The following LRBA variants were observed in gnomAD, a reference collection of about 807,000 sequenced individuals.
LRBA encodes the protein LPS responsive beige-like anchor protein, also known as lipopolysaccharide-responsive and beige-like anchor protein.
A neutral mutation model predicts 330.0 loss-of-function variants in LRBA; 176 were observed. The ratio of observed to expected loss-of-function variants is 0.53; its 90% CI spans 0.47 to 0.60. LRBA has a LOEUF of 0.60. LRBA is among the 20% of genes least tolerant of loss of function. The pLI, the probability that LRBA is intolerant of heterozygous loss-of-function variation, is 0.00. For synonymous variants in LRBA, 1,230 were observed against 1,193.0 expected, an observed-to-expected ratio of 1.03 and a Z score of -0.64; for missense variants, 3,259 against 3,444.8, an observed-to-expected ratio of 0.95 and a Z score of 1.35.
intron 35 of LRBA, among the ~76,000 whole-genome samples, chr4:150,737,392 G>A (rs1047559710): frequency 6.6e-5 from 10 of 151,998 alleles, no homozygotes; most frequent in Non-Finnish European, 8.8e-5. Context: ...CTTGGGTGGC[G>A]GAGCTTGCAG....
chr4:150,644,939 G>A (rs879693644), intron 37 of LRBA, among the ~76,000 whole-genome samples: 5 of 151,584 alleles, frequency 3.3e-5, no homozygotes, highest in Admixed American at 6.6e-5. Flanking sequence ...TATTACTCAG[G>A]TACCCTGCAA....
In LRBA at chr4:150,622,688, C is replaced by CTTTTTTTTTTTTTTTTTTTTTTTTTT. The variant is rs10528461; in HGVS notation, c.5922-23583_5922-23558dup. 1.9e-5 allele frequency among the ~76,000 whole-genome samples: 2 copies of CTTTTTTTTTTTTTTTTTTTTTTTTTT among 105,662 alleles called. 1 individual carries two copies. Among genetic ancestry groups the CTTTTTTTTTTTTTTTTTTTTTTTTTT allele is most frequent in the African/African-American group, 8.3e-5 (2 of 24,078 alleles). The allele number at this position is 105,662 out of a possible 152,430, so 69.3% of individuals were successfully genotyped here. ...GAAGACAACAGTCACCTAAATCAAT[C>CTTTTTTTTTTTTTTTTTTTTTTTTTT]TTTTTTTTTTTTTTTTTTTTTTTTT... On this transcript the variant is annotated intron_variant, in intron 37 of 56. Transcript: ENST00000651943.
chr4:150,847,015 C>A (rs573763789), intron 26 of LRBA, among the ~76,000 whole-genome samples: 3 of 151,902 alleles, frequency 2.0e-5, no homozygotes, highest in East Asian at 3.9e-4. Flanking sequence ...GAAAAGCCTT[C>A]GAAAATGGCA....
At chr4:150,717,326 A>G (rs894460499) in intron 36 of LRBA, among the ~76,000 whole-genome samples, 2 of 152,144 alleles carry the variant, frequency 1.3e-5, no homozygotes, top group African/African-American at 4.8e-5. Flanking sequence ...TAATAAAAAT[A>G]TTTTGCTTGC....
chr4:150,809,819 G>C (rs1003779071), intron 31 of LRBA, among the ~76,000 whole-genome samples: 10 of 152,004 alleles, frequency 6.6e-5, no homozygotes, highest in African/African-American at 2.4e-4. Context: ...CTGCATTCTA[G>C]CCTGAGTGAC....
intron 36 of LRBA, among the ~76,000 whole-genome samples, chr4:150,684,382 T>C (rs1420918884): frequency 5.9e-5 from 9 of 152,124 alleles, no homozygotes. Context: ...TAGCAAAATG[T>C]ACCAAGAGCT....
At chr4:150,415,397 C>G (rs1747589880) in intron 47 of LRBA, 41 bp downstream of exon 47, 3 of 1,587,030 alleles carry the variant, frequency 1.9e-6, no homozygotes, top group Non-Finnish European at 2.6e-6. Flanking sequence ...ATGCTTTGAG[C>G]AAAAGCTCAT....
intron 28 of LRBA, among the ~76,000 whole-genome samples, chr4:150,833,499 T>C (rs774077367): frequency 1.3e-5 from 2 of 152,100 alleles, no homozygotes; most frequent in Non-Finnish European, 2.9e-5. Flanking sequence ...CACAATAAAG[T>C]GAGTCACACA....
At chr4:150,585,830 C>T (rs1772044956) in intron 40 of LRBA, among the ~76,000 whole-genome samples, 2 of 152,058 alleles carry the variant, frequency 1.3e-5, no homozygotes, top group Non-Finnish European at 2.9e-5. Context: ...GGGGGAAGGG[C>T]TGTATGGAGG....
chr4:150,880,822 A>C (rs1339600537), intron 17 of LRBA, among the ~76,000 whole-genome samples: 4 of 152,212 alleles, frequency 2.6e-5, no homozygotes, highest in Non-Finnish European at 5.9e-5. Context: ...CAGAATCTAT[A>C]AGGAACTTAA....
In LRBA at chr4:150,841,342, A is replaced by T. The variant is rs1749040119; in HGVS notation, c.4569+2758T>A. On this transcript the variant is annotated intron_variant, in intron 28 of 56. Transcript: ENST00000651943. The stretch of plus-strand genomic sequence containing the variant: ...TGATTTTTGGCCTCAAATAAAAAAT[A>T]TCCCATAAATCGTTTACATTTAAAT... Among the ~76,000 whole-genome samples the T allele has an allele frequency of 2.0e-5, 3 of 152,354 alleles. No individual in the cohort carries two copies. The South Asian group carries it at 6.2e-4, about 32-fold the overall frequency.
At chr4:150,652,081 C>T (rs1779759229) in intron 37 of LRBA, among the ~76,000 whole-genome samples, 1 of 152,192 alleles carries the variant, frequency 6.6e-6, no homozygotes, top group Non-Finnish European at 1.5e-5. Context: ...AGCAATCCAG[C>T]TGACTCGGCC....
chr4:150,820,115 T>G (rs1279984880), intron 30 of LRBA, among the ~76,000 whole-genome samples: 1 of 152,044 alleles, frequency 6.6e-6, no homozygotes, highest in African/African-American at 2.4e-5. Context: ...ACTGACAATA[T>G]GCCAACAATT....
intron 56 of LRBA, among the ~76,000 whole-genome samples, chr4:150,270,055 C>A (rs1328889246): frequency 2.0e-5 from 3 of 152,134 alleles, no homozygotes; most frequent in African/African-American, 7.2e-5. Flanking sequence ...AGAGACCACG[C>A]CTGTTAGGAC....
chr4:150,971,488 C>T (rs1314073136), intron 2 of LRBA, among the ~76,000 whole-genome samples: 1 of 152,164 alleles, frequency 6.6e-6, no homozygotes, highest in East Asian at 1.9e-4. Context: ...TTCCTCAACT[C>T]AACACAACAG....
At chr4:150,761,251 C>G (rs1735042899) in intron 35 of LRBA, among the ~76,000 whole-genome samples, 1 of 151,900 alleles carries the variant, frequency 6.6e-6, no homozygotes, top group Non-Finnish European at 1.5e-5. Flanking sequence ...CTCTTTTCAT[C>G]TCTGTACTTT....
intron 23 of LRBA, 100 bp downstream of exon 23, chr4:150,851,785 A>G: frequency 8.0e-7 from 1 of 1,246,872 alleles, no homozygotes; most frequent in East Asian, 2.6e-5. Context: ...TGTGAATAGC[A>G]TGTGAACCAA....
At chr4:150,563,301 C>G (rs1192693773) in intron 40 of LRBA, among the ~76,000 whole-genome samples, 1 of 152,134 alleles carries the variant, frequency 6.6e-6, no homozygotes, top group Non-Finnish European at 1.5e-5. Context: ...ATGACAAAAA[C>G]TATATGATTA....
chr4:150,998,091 C>G (rs939973429), intron 2 of LRBA, among the ~76,000 whole-genome samples: 1 of 151,414 alleles, frequency 6.6e-6, no homozygotes, highest in Non-Finnish European at 1.5e-5. Context: ...GTGGCTCATA[C>G]CTGTAATCCC....
Sources: allele counts gnomAD v4.1 joint callset (sites outside exome capture counted in the v4.1 genomes callset), GRCh38; gene constraint gnomAD v4.1.1; transcripts MANE v1.5; gene names NCBI Gene and HGNC (gene_info 2026-07-23, HGNC 2026-07-21).